AGO3: variants seen among roughly 807,000 people sequenced by gnomAD.
AGO3 encodes argonaute RISC catalytic component 3.
Under a neutral mutation model 105.5 loss-of-function variants are expected in AGO3, and 16 were observed. The ratio of observed to expected loss-of-function variants is 0.15; its 90% CI spans 0.10 to 0.23. The LOEUF is 0.23. AGO3 is among the 10% of genes least tolerant of loss of function. The probability of loss-of-function intolerance (pLI) is 1.00; values close to 1 mark genes in which losing one functional copy is unlikely to be tolerated. For synonymous variants in AGO3, 340 were observed against 367.3 expected (o/e 0.93, Z 0.85); for missense variants, 534 against 1,088.0 (o/e 0.49, Z 7.16).
rs1292144715 is a variant in AGO3, at chr1:36,059,322, C to T, written c.*3577C>T. 6.6e-6 allele frequency: 1 copy of T among 151,822 alleles called. No individual in the cohort carries two copies. Among genetic ancestry groups the T allele is most frequent in the Non-Finnish European group, 1.5e-5 (1 of 67,948 alleles). The allele number at this position is 151,822 out of a possible 1,614,324, so 9.4% of individuals were successfully genotyped here. The stretch of plus-strand genomic sequence containing the variant: ...GTGCTTAGAATTTTAAGATAAAAGG[C>T]TAAGTGACAAATGCTTCTTGAAATT... On this transcript the variant is annotated 3_prime_UTR_variant, in exon 19 of 19. Transcript: ENST00000373191.
At chr1:36,014,689 T>A (rs1481897528) in intron 11 of AGO3, among the ~76,000 whole-genome samples, 2 of 147,400 alleles carry the variant, frequency 1.4e-5, no homozygotes, top group African/African-American at 5.0e-5. Context: ...GAGAATGGCA[T>A]GAACCCAGGA....
At chr1:35,951,119 GT>G (rs1646463346) in intron 2 of AGO3, among the ~76,000 whole-genome samples, 1 of 152,084 alleles carries the variant, frequency 6.6e-6, no homozygotes, top group South Asian at 2.1e-4. Flanking sequence ...CCCAGCTAGC[GT>G]TTGTATTTTT....
chr1:36,023,853 A>G (rs1391002356), intron 11 of AGO3, among the ~76,000 whole-genome samples: 1 of 152,158 alleles, frequency 6.6e-6, no homozygotes, highest in Non-Finnish European at 1.5e-5. Flanking sequence ...CAGTTTCCTT[A>G]CTTTCCAAAA....
At chr1:35,969,063 G>A (rs1302533868) in intron 3 of AGO3, among the ~76,000 whole-genome samples, 1 of 152,036 alleles carries the variant, frequency 6.6e-6, no homozygotes, top group East Asian at 1.9e-4. Flanking sequence ...GAAATCTGTG[G>A]TCAAGTTGTT....
chr1:36,045,820 G>A (rs1294662564), intron 17 of AGO3, among the ~76,000 whole-genome samples: 1 of 152,192 alleles, frequency 6.6e-6, no homozygotes, highest in Non-Finnish European at 1.5e-5. Context: ...TGGGATTGTA[G>A]GCATGAATCA....
At chr1:35,994,804 G>A (rs1648116534) in intron 5 of AGO3, among the ~76,000 whole-genome samples, 1 of 152,120 alleles carries the variant, frequency 6.6e-6, no homozygotes, top group Admixed American at 6.5e-5. Context: ...AGATGTGCAT[G>A]GCCCCCACGC....
At chr1:36,041,484 G>A (rs1482438193) in intron 16 of AGO3, among the ~76,000 whole-genome samples, 1 of 151,972 alleles carries the variant, frequency 6.6e-6, no homozygotes, top group Non-Finnish European at 1.5e-5. Context: ...TTTGTGATCC[G>A]CCTGCCTCGG....
At position 36,067,839 on chromosome 1, in the gene AGO3, A is replaced by AG. The variant is rs1643114331; in HGVS notation, c.*12095dup. Reference sequence around the variant, plus strand: ...AGACTCCGTCTCAAAAAAAAAAAAAAGAAGGAATAGGAAAAGGACTTAGAG... The same window carrying AG: ...AGACTCCGTCTCAAAAAAAAAAAAAAGGAAGGAATAGGAAAAGGACTTAGAG... On this transcript the variant is annotated 3_prime_UTR_variant, in exon 19 of 19. Transcript: ENST00000373191. The AG allele has an allele frequency of 6.6e-6, 1 of 152,064 alleles. No individual in the cohort carries two copies. The highest frequency in any genetic ancestry group is 6.6e-5 in the Admixed American group (1 of 15,250). The allele number at this position is 152,064 out of a possible 1,614,324, so 9.4% of individuals were successfully genotyped here. A position where few individuals can be genotyped will look rare whatever the true frequency, so the allele number is the denominator to read the frequency against.
chr1:35,991,477 T>C (rs1029733877), intron 5 of AGO3, among the ~76,000 whole-genome samples: 1 of 150,448 alleles, frequency 6.6e-6, no homozygotes, highest in African/African-American at 2.4e-5. Context: ...TATAATCTTA[T>C]TTCTTTTTAA....
chr1:36,004,190 T>C, intron 5 of AGO3, 151 bp from the exon 6 acceptor site: 1 of 694,410 alleles, frequency 1.4e-6, no homozygotes, highest in East Asian at 3.0e-5. Context: ...AGAGGTCAAA[T>C]TAAAACTGCT....
At chr1:36,021,403 A>G (rs1010405834) in intron 11 of AGO3, among the ~76,000 whole-genome samples, 1 of 152,214 alleles carries the variant, frequency 6.6e-6, no homozygotes, top group Non-Finnish European at 1.5e-5. Context: ...CGTAATAACC[A>G]TAATTATGTC....
chr1:35,961,647 C>A (rs1176165924), intron 2 of AGO3, among the ~76,000 whole-genome samples: 2 of 152,128 alleles, frequency 1.3e-5, no homozygotes, highest in South Asian at 2.1e-4. Context: ...GATTTCCTAT[C>A]AGGATTGCCT....
At chr1:35,948,407 C>T (rs1006986152) in intron 2 of AGO3, among the ~76,000 whole-genome samples, 2 of 151,848 alleles carry the variant, frequency 1.3e-5, no homozygotes, top group African/African-American at 4.8e-5. Context: ...TTAGTAGAGA[C>T]TGGGTTTCTC....
chr1:36,025,450 T>C (rs1641460868), intron 11 of AGO3, among the ~76,000 whole-genome samples: 1 of 151,900 alleles, frequency 6.6e-6, no homozygotes, highest in Non-Finnish European at 1.5e-5. Context: ...TTTTTCAAAC[T>C]TGAGCTTTTT....
At chr1:36,002,731 G>T (rs1569721682) in intron 5 of AGO3, among the ~76,000 whole-genome samples, 1 of 152,162 alleles carries the variant, frequency 6.6e-6, no homozygotes, top group South Asian at 2.1e-4. Context: ...CCTCCCAGAG[G>T]TAAGGAACAT....
At chr1:35,936,306 G>A in intron 1 of AGO3, among the ~76,000 whole-genome samples, 1 of 151,786 alleles carries the variant, frequency 6.6e-6, no homozygotes, top group Non-Finnish European at 1.5e-5. Flanking sequence ...TCACACAACT[G>A]ATGCTTTCTC....
intron 12 of AGO3, 117 bp from the exon 13 acceptor site, chr1:36,034,057 G>A (rs1015039365): frequency 7.2e-6 from 7 of 976,228 alleles, no homozygotes; most frequent in Middle Eastern, 3.2e-4. Context: ...CATAATTTTT[G>A]GTATCCTGTA....
chr1:35,932,064 A>G (rs986720343), intron 1 of AGO3, among the ~76,000 whole-genome samples: 36 of 152,044 alleles, frequency 2.4e-4, no homozygotes, highest in Admixed American at 2.4e-3. Context: ...ATTTTTTTTC[A>G]TTCTCTATTC....
At chr1:35,934,913 G>C (rs965363219) in intron 1 of AGO3, among the ~76,000 whole-genome samples, 1 of 152,054 alleles carries the variant, frequency 6.6e-6, no homozygotes, top group Non-Finnish European at 1.5e-5. Context: ...CGGCCTCCCA[G>C]AAAACAATCT....
Sources: allele counts gnomAD v4.1 joint callset (sites outside exome capture counted in the v4.1 genomes callset), GRCh38; gene constraint gnomAD v4.1.1; transcripts MANE v1.5; gene names NCBI Gene and HGNC (gene_info 2026-07-23, HGNC 2026-07-21).